DNAH12: variants seen among roughly 807,000 people sequenced by gnomAD.
DNAH12 encodes axonemal beta dynein heavy chain 12.
In DNAH12, 285 loss-of-function variants were observed where a neutral mutation model predicts 371.5. That is an observed-to-expected ratio of 0.77 (90% CI 0.70 to 0.85). The LOEUF (loss-of-function observed/expected upper bound fraction) is 0.85. DNAH12 is among the 40% of genes least tolerant of loss of function. The pLI is 0.00. For synonymous variants in DNAH12, 1,200 were observed against 1,213.0 expected (o/e 0.99, Z 0.22); for missense variants, 3,611 against 3,689.4 (o/e 0.98, Z 0.55).
At chr3:57,298,628 T>C (rs1231897617) in intron 70 of DNAH12, among the ~76,000 whole-genome samples, 1 of 152,262 alleles carries the variant, frequency 6.6e-6, no homozygotes, top group Non-Finnish European at 1.5e-5. Context: ...TCCCATAAGC[T>C]ACATAGTGAT....
intron 43 of DNAH12, among the ~76,000 whole-genome samples, chr3:57,396,637 C>A (rs1016980829): frequency 1.3e-5 from 2 of 152,182 alleles, no homozygotes; most frequent in Non-Finnish European, 2.9e-5. Context: ...CCTCAGCCTC[C>A]CAAGTATCTG....
At chr3:57,459,242 T>A (rs2065985308) in intron 20 of DNAH12, among the ~76,000 whole-genome samples, 1 of 152,112 alleles carries the variant, frequency 6.6e-6, no homozygotes, top group South Asian at 2.1e-4. Context: ...CACTATTCAT[T>A]CTCTCTCCCT....
At chr3:57,438,916 G>GCCGAAAAAAAAAAAAAA (rs2065216698) in intron 29 of DNAH12, among the ~76,000 whole-genome samples, 1 of 8,952 alleles carries the variant, frequency 1.1e-4, no homozygotes, top group Non-Finnish European at 2.5e-4. Context: ...CTCTGTCTCA[G>GCCGAAAAAAAAAAAAAA]ACAAAAAAAA....
At chr3:57,346,054 G>A (rs2062534097) in intron 60 of DNAH12, among the ~76,000 whole-genome samples, 1 of 152,096 alleles carries the variant, frequency 6.6e-6, no homozygotes, top group Admixed American at 6.5e-5. Flanking sequence ...AATACTGAAT[G>A]TTCCTAGCAC....
chr3:57,550,496 A>G, the DNAH12 span, among the ~76,000 whole-genome samples: 1 of 151,842 alleles, frequency 6.6e-6, no homozygotes, highest in East Asian at 1.9e-4. Flanking sequence ...TTTTGTATAC[A>G]TTTTTCCATA....
intron 12 of DNAH12, among the ~76,000 whole-genome samples, chr3:57,486,318 C>CCAGT (rs2066922743): frequency 6.6e-6 from 1 of 151,864 alleles, no homozygotes; most frequent in Non-Finnish European, 1.5e-5. Context: ...GCTTGTAAAC[C>CCAGT]CAGTACTTTG....
chr3:57,493,516 AT>A (rs2067204385), intron 11 of DNAH12, among the ~76,000 whole-genome samples: 1 of 152,186 alleles, frequency 6.6e-6, no homozygotes, highest in Admixed American at 6.5e-5. Flanking sequence ...AAAGACAACT[AT>A]ATACCATCCC....
At chr3:57,444,858 C>G in intron 28 of DNAH12, 42 bp from the exon 29 acceptor site, 1 of 1,522,970 alleles carries the variant, frequency 6.6e-7, no homozygotes, top group Non-Finnish European at 8.8e-7. Context: ...TAGTTGCCAG[C>G]AATTGCAACC....
intron 11 of DNAH12, among the ~76,000 whole-genome samples, chr3:57,493,005 AAAAC>A (rs36148553): frequency 0.88 from 132,817 of 150,544 alleles, 59,139 homozygotes; most frequent in African/African-American, 0.95. Context: ...ACTCCATCTC[AAAAC>A]AAACAAACAA....
chr3:57,389,834 AT>A (rs2063575943), intron 45 of DNAH12, among the ~76,000 whole-genome samples: 1 of 108,874 alleles, frequency 9.2e-6, no homozygotes, highest in Non-Finnish European at 2.0e-5. Flanking sequence ...ATATATATAT[AT>A]ATATAATACT....
At chr3:57,466,747 T>C (rs1198956753) in intron 17 of DNAH12, among the ~76,000 whole-genome samples, 6 of 152,074 alleles carry the variant, frequency 3.9e-5, no homozygotes, top group African/African-American at 1.4e-4. Context: ...CTAGTAAACT[T>C]ATGCCCTTAT....
intron 21 of DNAH12, 40 bp from the exon 22 acceptor site, chr3:57,458,043 T>A: frequency 1.3e-6 from 2 of 1,539,630 alleles, no homozygotes; most frequent in Non-Finnish European, 1.8e-6. Context: ...TTAGTTATAA[T>A]TCATCACACA....
At chr3:57,322,919 G>C in intron 64 of DNAH12, 88 bp downstream of exon 64, 2 of 1,461,048 alleles carry the variant, frequency 1.4e-6, no homozygotes, top group East Asian at 5.0e-5. Context: ...GACAGAGTAA[G>C]ACTCCGTCTC....
At chr3:57,413,016 T>C (rs2064255456) in intron 39 of DNAH12, among the ~76,000 whole-genome samples, 1 of 152,186 alleles carries the variant, frequency 6.6e-6, no homozygotes, top group Non-Finnish European at 1.5e-5. Context: ...TTCATAATTG[T>C]TGAAAACTTG....
At chr3:57,490,767 T>C (rs2153385808) in intron 11 of DNAH12, among the ~76,000 whole-genome samples, 1 of 152,218 alleles carries the variant, frequency 6.6e-6, no homozygotes, top group East Asian at 1.9e-4. Flanking sequence ...AAGACTATCT[T>C]AAGCACCTGC....
Position 57,542,689 on chromosome 3 carries a change from T to C in DNAH12, c.170+12A>G, listed in dbSNP as rs775695922. The C allele has an allele frequency of 1.3e-6, 2 of 1,556,620 alleles. No homozygotes were observed. Among genetic ancestry groups the C allele is most frequent in the Non-Finnish European group, 1.7e-6 (2 of 1,155,550 alleles). ...ATTCCAAGCAAGAATTATCTACTAA[T>C]ATGCTACTTACACTAACTGATTAAT... On this transcript the variant is annotated intron_variant, in intron 2 of 73. Coordinates refer to ENST00000495027, the MANE Select transcript of DNAH12 (RefSeq NM_001366028.2).
intron 38 of DNAH12, among the ~76,000 whole-genome samples, chr3:57,414,929 T>G (rs907245303): frequency 3.9e-5 from 6 of 152,164 alleles, no homozygotes; most frequent in African/African-American, 1.4e-4. Flanking sequence ...ATGAAATGTG[T>G]CAAGGTCAGT....
chr3:57,452,726 T>G, intron 25 of DNAH12, 117 bp downstream of exon 25: 1 of 978,440 alleles, frequency 1.0e-6, no homozygotes. Flanking sequence ...TAAAGAGAAT[T>G]CAGGATTAGA....
chr3:57,355,170 T>A (rs2062769708), intron 59 of DNAH12, among the ~76,000 whole-genome samples: 1 of 151,972 alleles, frequency 6.6e-6, no homozygotes, highest in South Asian at 2.1e-4. Flanking sequence ...CATAATTGCA[T>A]GTGAATCTAC....
Sources: gnomAD v4.1 joint callset for allele counts (sites outside exome capture counted in the v4.1 genomes callset) on GRCh38, gnomAD v4.1.1 for gene constraint, MANE v1.5 for transcripts, NCBI Gene and HGNC (gene_info 2026-07-23, HGNC 2026-07-21) for gene names.